The following ERBB4 variants were observed in gnomAD, a reference collection of about 807,000 sequenced individuals.
The protein encoded by ERBB4 is receptor tyrosine-protein kinase erbB-4.
A neutral mutation model predicts 158.0 loss-of-function variants in ERBB4; 42 were observed. The ratio of observed to expected loss-of-function variants is 0.27; its 90% confidence interval spans 0.21 to 0.34. ERBB4 has a LOEUF of 0.34. Among genes scored for constraint, ERBB4 ranks in the 10% least tolerant of loss-of-function variants. The probability of loss-of-function intolerance (pLI) is 1.00; values close to 1 mark genes in which losing one functional copy is unlikely to be tolerated. For missense variants in ERBB4, 1,333 were observed against 1,624.1 expected (o/e 0.82, Z 3.08); for synonymous variants, 583 against 558.7 (o/e 1.04, Z -0.61).
intron 20 of ERBB4, among the ~76,000 whole-genome samples, chr2:211,557,427 C>G (rs2067264375): frequency 6.6e-6 from 1 of 151,864 alleles, no homozygotes; most frequent in Non-Finnish European, 1.5e-5. Flanking sequence ...AAGAAAAAAA[C>G]AGAACCCCAT....
At chr2:211,964,903 T>TATA (rs1420957722) in intron 2 of ERBB4, among the ~76,000 whole-genome samples, 3 of 152,170 alleles carry the variant, frequency 2.0e-5, no homozygotes, top group Non-Finnish European at 4.4e-5. Flanking sequence ...GAATACCTAC[T>TATA]ATATAGGTGG....
chr2:212,035,125 A>C (rs1467829615), intron 2 of ERBB4, among the ~76,000 whole-genome samples: 1 of 152,216 alleles, frequency 6.6e-6, no homozygotes, highest in Non-Finnish European at 1.5e-5. Context: ...GAGAAACACT[A>C]TTAAAAGAGT....
chr2:211,775,362 C>CA (rs1189665563), intron 4 of ERBB4, among the ~76,000 whole-genome samples: 1 of 152,080 alleles, frequency 6.6e-6, no homozygotes, highest in Non-Finnish European at 1.5e-5. Context: ...CTTGTCTTTG[C>CA]TTTTTTAGTG....
At chr2:211,884,685 G>A (rs549656658) in intron 3 of ERBB4, among the ~76,000 whole-genome samples, 1 of 152,208 alleles carries the variant, frequency 6.6e-6, no homozygotes, top group African/African-American at 2.4e-5. Context: ...CTTGTCTAGA[G>A]CATCATCTGA....
intron 4 of ERBB4, among the ~76,000 whole-genome samples, chr2:211,772,948 TA>T (rs1270712268): frequency 0.037 from 3,062 of 83,406 alleles, 441 homozygotes; most frequent in African/African-American, 0.15. Context: ...TATATATATA[TA>T]TATATATTTT....
chr2:212,362,525 A>C (rs1165382639), intron 1 of ERBB4, among the ~76,000 whole-genome samples: 2 of 150,556 alleles, frequency 1.3e-5, no homozygotes, highest in Non-Finnish European at 3.0e-5. Context: ...ATCTAGTGTG[A>C]CTTGTTTTCT....
chr2:211,669,216 CAAA>C (rs71054124), intron 14 of ERBB4, among the ~76,000 whole-genome samples: 1,144 of 55,992 alleles, frequency 0.02, 3 homozygotes, highest in South Asian at 0.081. Context: ...GAGTGAGTCT[CAAA>C]AAAAAAAAAA....
At chr2:211,486,662 T>C (rs2065210933) in intron 20 of ERBB4, among the ~76,000 whole-genome samples, 1 of 152,102 alleles carries the variant, frequency 6.6e-6, no homozygotes, top group Non-Finnish European at 1.5e-5. Context: ...TTATTTACTA[T>C]AACCATCCAT....
intron 1 of ERBB4, among the ~76,000 whole-genome samples, chr2:212,405,343 C>T (rs918080759): frequency 6.8e-4 from 104 of 151,936 alleles, no homozygotes; most frequent in African/African-American, 2.2e-3. Context: ...TAACAGAGGC[C>T]GGTGAGGTTG....
intron 1 of ERBB4, among the ~76,000 whole-genome samples, chr2:212,506,377 C>A (rs1691197255): frequency 8.0e-6 from 1 of 124,950 alleles, no homozygotes; most frequent in Non-Finnish European, 2.0e-5. Context: ...AAATCAAAAG[C>A]TAGAAATGAT....
At chr2:212,164,443 T>C (rs1369793299) in intron 1 of ERBB4, among the ~76,000 whole-genome samples, 2 of 152,012 alleles carry the variant, frequency 1.3e-5, no homozygotes, top group African/African-American at 2.4e-5. Context: ...GTGGCCTTCA[T>C]ATTTCTAATG....
chr2:211,528,820 GAAC>G (rs1403186458), intron 20 of ERBB4, among the ~76,000 whole-genome samples: 2 of 151,596 alleles, frequency 1.3e-5, no homozygotes, highest in African/African-American at 2.4e-5. Flanking sequence ...GATAATGGGA[GAAC>G]AACATACCAA....
chr2:211,398,539 C>A (rs958548423), intron 25 of ERBB4, among the ~76,000 whole-genome samples: 7 of 152,072 alleles, frequency 4.6e-5, no homozygotes, highest in Non-Finnish European at 7.4e-5. Context: ...ACTTCCTTCC[C>A]CTGCTTTAAA....
chr2:211,940,613 T>A (rs2080467078), intron 3 of ERBB4, among the ~76,000 whole-genome samples: 1 of 152,126 alleles, frequency 6.6e-6, no homozygotes, highest in Non-Finnish European at 1.5e-5. Context: ...TAGAATGTTC[T>A]TCAAAGAGTG....
chr2:212,467,666 G>C (rs752070684), intron 1 of ERBB4, among the ~76,000 whole-genome samples: 9 of 152,220 alleles, frequency 5.9e-5, no homozygotes, highest in Non-Finnish European at 1.2e-4. Flanking sequence ...TGCTCATGGA[G>C]AACCTCTGCT....
chr2:211,515,115 A>G (rs2065988904), intron 20 of ERBB4, among the ~76,000 whole-genome samples: 1 of 152,156 alleles, frequency 6.6e-6, no homozygotes, highest in African/African-American at 2.4e-5. Flanking sequence ...GAGGAGTTTC[A>G]GGCAAAAAGA....
chr2:212,534,742 C>T (rs963372901), intron 1 of ERBB4, among the ~76,000 whole-genome samples: 1 of 152,100 alleles, frequency 6.6e-6, no homozygotes, highest in Admixed American at 6.5e-5. Flanking sequence ...ATGCATAAGA[C>T]AGATGATAAA....
At chr2:212,204,944 G>A (rs916278788) in intron 1 of ERBB4, among the ~76,000 whole-genome samples, 4 of 147,478 alleles carry the variant, frequency 2.7e-5, no homozygotes, top group South Asian at 4.4e-4. Flanking sequence ...TCAGCCTCCC[G>A]AGTAGCTGGG....
At chr2:212,269,461 C>G (rs1285309853) in intron 1 of ERBB4, among the ~76,000 whole-genome samples, 2 of 151,794 alleles carry the variant, frequency 1.3e-5, no homozygotes, top group Non-Finnish European at 2.9e-5. Flanking sequence ...CCACATCCAT[C>G]AAAAGCATGT....
Sources: gnomAD v4.1 joint callset for allele counts (sites outside exome capture counted in the v4.1 genomes callset) on GRCh38, gnomAD v4.1.1 for gene constraint, MANE v1.5 for transcripts, NCBI Gene and HGNC (gene_info 2026-07-23, HGNC 2026-07-21) for gene names.